RAB11FIP3: variants seen among roughly 807,000 people sequenced by gnomAD.
The protein encoded by RAB11FIP3 is RAB11 family interacting protein 3.
RAB11FIP3 carries 17 observed loss-of-function variants against 77.8 expected under a neutral mutation model. The observed-to-expected ratio is 0.22, with a 90% CI of 0.15 to 0.33. The LOEUF is 0.33. Ranked by LOEUF, RAB11FIP3 falls within the 10% of genes least tolerant of loss-of-function variation. The pLI is 1.00. For synonymous variants in RAB11FIP3, 437 were observed against 448.2 expected, an observed-to-expected ratio of 0.98 and a Z score of 0.31; for missense variants, 1,005 against 1,011.2, an observed-to-expected ratio of 0.99 and a Z score of 0.08.
At chr16:480,892 C>T (rs1192050583) in intron 3 of RAB11FIP3, among the ~76,000 whole-genome samples, 2 of 112,600 alleles carry the variant, frequency 1.8e-5, no homozygotes, top group East Asian at 4.6e-4. Context: ...CTCACCACAA[C>T]ATCCACCTCC....
At chr16:491,029 G>A in intron 5 of RAB11FIP3, 1 of 1,065,790 alleles carries the variant, frequency 9.4e-7, no homozygotes, top group Non-Finnish European at 1.2e-6. Context: ...ACGTGCTTTT[G>A]TTCCACACCA....
intron 3 of RAB11FIP3, among the ~76,000 whole-genome samples, chr16:481,010 T>C (rs2056029377): frequency 1.7e-5 from 1 of 58,230 alleles, no homozygotes; most frequent in African/African-American, 3.8e-5. Context: ...GGTTTTTCCA[T>C]ATTGGTCAGG....
intron 1 of RAB11FIP3, among the ~76,000 whole-genome samples, chr16:431,336 C>T (rs189317695): frequency 1.1e-3 from 160 of 151,612 alleles, no homozygotes; most frequent in African/African-American, 3.7e-3. Context: ...TCCCACTATC[C>T]TGAGAAAAAT....
intron 5 of RAB11FIP3, among the ~76,000 whole-genome samples, chr16:492,385 C>CTCCCGGG: frequency 6.9e-6 from 1 of 144,586 alleles, no homozygotes; most frequent in South Asian, 2.2e-4. Context: ...CGAGGCCGCC[C>CTCCCGGG]AGAGCCCTCC....
At position 503,039 on chromosome 16, in the gene RAB11FIP3, C is replaced by T. The variant is rs548390146; in HGVS notation, c.1337C>T (p.Ala446Val). 5.0e-6 allele frequency: 8 copies of T among 1,613,138 alleles called. No individual in the cohort carries two copies. Among genetic ancestry groups the T allele is most frequent in the African/African-American group, 1.3e-5 (1 of 75,042 alleles). Residue 446 changes from alanine to valine, a missense_variant, in exon 7 of 14, where the codon GCC (alanine) becomes GTC (valine). Physicochemically the swap from Ala to Val is moderately conservative, Grantham distance 64. This residue lies in a region of RAB11FIP3 where 433 missense variants were observed against 436.1 expected (regional missense o/e 0.99). Transcript: ENST00000262305. ...CAGTCAGGGGCCCTGACCATGGAGGCCCTGGAGGACCCTTCCCCCGAGCTC... is the reference window on the plus strand; with the variant it reads ...CAGTCAGGGGCCCTGACCATGGAGGTCCTGGAGGACCCTTCCCCCGAGCTC... The part of the protein sequence containing the change: ...LHQSGALTME[A>V]LEDPSPELME...
At chr16:429,609 C>T (rs544065792) in intron 1 of RAB11FIP3, among the ~76,000 whole-genome samples, 5 of 151,854 alleles carry the variant, frequency 3.3e-5, no homozygotes, top group South Asian at 2.1e-4. Context: ...AAGCGATTCT[C>T]CTGCTTCAGC....
At chr16:442,303 C>G (rs2055241052) in intron 1 of RAB11FIP3, among the ~76,000 whole-genome samples, 1 of 152,242 alleles carries the variant, frequency 6.6e-6, no homozygotes, top group Non-Finnish European at 1.5e-5. Context: ...CTGCACCCAG[C>G]TTATGATGCT....
chr16:498,937 G>A (rs183573247), intron 6 of RAB11FIP3, among the ~76,000 whole-genome samples: 8 of 150,840 alleles, frequency 5.3e-5, no homozygotes, highest in East Asian at 3.9e-4. Context: ...CTGGCCGGGC[G>A]TAGTAGGTCA....
Position 476,812 on chromosome 16 carries a change from T to C in RAB11FIP3, c.903+5423T>C, listed in dbSNP as rs201894030. On this transcript the variant is annotated intron_variant, in intron 3 of 13. Transcript: ENST00000262305. ...AAAAAAGAAAGAAAAAATTTTAGGCTGGGCATGGTGGCTCAGGCCTGTAAT... is the reference window on the plus strand; with the variant it reads ...AAAAAAGAAAGAAAAAATTTTAGGCCGGGCATGGTGGCTCAGGCCTGTAAT... Among the ~76,000 whole-genome samples the C allele has an allele frequency of 1.0e-4, 15 of 146,220 alleles. No individual in the cohort carries two copies. The East Asian group carries it at 3.1e-3, about 30-fold the overall frequency.
At chr16:519,648 C>A (rs558858899) in intron 10 of RAB11FIP3, 106 bp from the exon 11 acceptor site, 6 of 1,458,302 alleles carry the variant, frequency 4.1e-6, no homozygotes, top group Admixed American at 3.9e-5. Flanking sequence ...GGCGCCACCG[C>A]GTTGCTGTTG....
chr16:426,463 C>G lies in RAB11FIP3; in HGVS notation c.457C>G (p.Arg153Gly), dbSNP rs1173038052. 6.3e-7 allele frequency: 1 copy of G among 1,582,566 alleles called. No individual in the cohort carries two copies. Among genetic ancestry groups the G allele is most frequent in the South Asian group, 1.1e-5 (1 of 87,078 alleles). ...FRLQGSSSSH[R>G]ARGEVDVFSP... is the part of the protein sequence containing the mutation. ...CTTGCAGGGGTCCAGCAGCAGCCAC[C>G]GAGCGCGGGGCGAGGTCGACGTCTT... Residue 153 changes from arginine to glycine, a missense_variant, in exon 1 of 14, where the codon CGA becomes GGA. By Grantham distance (125) the Arg-to-Gly change is moderately radical (BLOSUM62 -2). Around this residue, in one of 4 missense-constraint regions of RAB11FIP3, gnomAD observed 466 missense variants for 408.3 expected, o/e 1.14. Transcript: ENST00000262305. This position sits in a 1 kb window ranked among gnomAD's most constrained non-coding sequence, Gnocchi z 5.0.
chr16:433,211 T>G (rs1444535642), intron 1 of RAB11FIP3, among the ~76,000 whole-genome samples: 5 of 117,680 alleles, frequency 4.2e-5, no homozygotes, highest in Non-Finnish European at 6.9e-5. Context: ...TTTTGTATTT[T>G]TACTAGAGAC....
At chr16:452,886 T>C (rs8058571) in intron 1 of RAB11FIP3, among the ~76,000 whole-genome samples, 3 of 63,784 alleles carry the variant, frequency 4.7e-5, no homozygotes, top group Admixed American at 3.1e-4. Flanking sequence ...TCCCGAGTAG[T>C]TGGGACTACA....
intron 4 of RAB11FIP3, among the ~76,000 whole-genome samples, chr16:483,648 A>G (rs117558042): frequency 1.3e-5 from 2 of 152,250 alleles, no homozygotes; most frequent in East Asian, 3.9e-4. Flanking sequence ...TGCACCCTGT[A>G]GAGAATCTCC....
At chr16:484,339 C>A (rs1050646565) in intron 4 of RAB11FIP3, among the ~76,000 whole-genome samples, 1 of 151,526 alleles carries the variant, frequency 6.6e-6, no homozygotes, top group South Asian at 2.1e-4. Flanking sequence ...CTTGCTGTTG[C>A]GCTTGTGGAT....
chr16:433,274 G>T (rs182674593), intron 1 of RAB11FIP3, among the ~76,000 whole-genome samples: 1 of 136,180 alleles, frequency 7.3e-6, no homozygotes, highest in East Asian at 2.5e-4. Flanking sequence ...CTGGTGATCC[G>T]CCCACCTGGG....
At chr16:501,143 T>G (rs2031488404) in intron 6 of RAB11FIP3, among the ~76,000 whole-genome samples, 2 of 152,250 alleles carry the variant, frequency 1.3e-5, no homozygotes. Flanking sequence ...CAGTCCGTAC[T>G]GAGAAGCAAA....
At chr16:432,358 C>T (rs1451933452) in intron 1 of RAB11FIP3, among the ~76,000 whole-genome samples, 1 of 151,906 alleles carries the variant, frequency 6.6e-6, no homozygotes, top group African/African-American at 2.4e-5. Context: ...GCCTGGACGA[C>T]AAGGGTGAAA....
rs545739202 is a variant in RAB11FIP3, at chr16:520,348, G to A, written c.2016+71G>A. ...CCACAAGACTGGTTGGGAAGGGGGG[G>A]CCGTGGAGGGTCAGCATCTGAGCTG... On this transcript the variant is annotated intron_variant, in intron 12 of 13. Transcript: ENST00000262305. The A allele has an allele frequency of 2.9e-4, 454 of 1,571,186 alleles. 7 individuals are homozygous for A. In the South Asian group the frequency reaches 4.7e-3, roughly 16 times the overall value.
Sources: allele counts gnomAD v4.1 joint callset (sites outside exome capture counted in the v4.1 genomes callset), GRCh38; gene constraint gnomAD v4.1.1; regional missense constraint gnomAD v4.1.1; non-coding constraint Gnocchi (gnomAD v3.1); transcripts MANE v1.5; gene names NCBI Gene and HGNC (gene_info 2026-07-23, HGNC 2026-07-21).